Variants in PEX5 observed in about 807,000 individuals in gnomAD.
The protein encoded by PEX5 is PTS1 receptor.
In PEX5, 52 loss-of-function variants were observed where a neutral mutation model predicts 82.9. The observed-to-expected ratio is 0.63, with a 90% CI of 0.50 to 0.79. The LOEUF is 0.79. Ranked by LOEUF, PEX5 falls within the 30% of genes least tolerant of loss-of-function variation. PEX5 has a pLI of 0.00. For synonymous variants in PEX5, 300 were observed against 318.8 expected (o/e 0.94, Z 0.63); for missense variants, 719 against 815.2 (o/e 0.88, Z 1.44).
intron 5 of PEX5, among the ~76,000 whole-genome samples, chr12:7,197,336 AATTAT>A (rs1380477278): frequency 2.4e-5 from 3 of 122,564 alleles, no homozygotes; most frequent in Non-Finnish European, 5.1e-5. Flanking sequence ...ACAATGTAAT[AATTAT>A]ATATGTCATA....
In PEX5 at chr12:7,190,897, C is replaced by G; in HGVS notation, c.157C>G (p.Pro53Ala). 6.2e-7 allele frequency: 1 copy of G among 1,613,476 alleles called. No homozygotes were observed. Among genetic ancestry groups the G allele is most frequent in the Non-Finnish European group, 8.5e-7 (1 of 1,179,372 alleles). The part of the protein sequence containing the change: ...GAPASEAASK[P>A]LGVASEDELV... ...TGTCTTTCTCTCTTAGGCCTCCAAG[C>G]CTTTGGGAGTAGCTTCTGAAGATGA... Residue 53 changes from proline to alanine, a missense_variant, in exon 3 of 16, where the codon CCT becomes GCT. Pro to Ala is a conservative substitution (Grantham distance 27). Coordinates refer to ENST00000675855, the MANE Select transcript of PEX5 (RefSeq NM_001351132.2).
At chr12:7,203,615 A>C (rs915437382) in intron 10 of PEX5, 64 bp downstream of exon 10, 4 of 1,518,016 alleles carry the variant, frequency 2.6e-6, no homozygotes, top group Non-Finnish European at 3.6e-6. Context: ...TCTTTCCTTT[A>C]ATCCTGAATT....
chr12:7,213,383 T>G (rs2136289513), downstream of PEX5, among the ~76,000 whole-genome samples: 1 of 148,722 alleles, frequency 6.7e-6, no homozygotes, highest in East Asian at 1.9e-4. Context: ...AAAACAGAGA[T>G]ATAGATCAAT....
intron 5 of PEX5, among the ~76,000 whole-genome samples, chr12:7,192,614 T>C (rs1941359960): frequency 6.6e-6 from 1 of 152,108 alleles, no homozygotes; most frequent in Non-Finnish European, 1.5e-5. Context: ...GTTTAAGATA[T>C]CAAGAATAAC....
chr12:7,216,641 T>A (rs909660109), intron 17 of PEX5, among the ~76,000 whole-genome samples: 7 of 152,212 alleles, frequency 4.6e-5, no homozygotes, highest in African/African-American at 1.7e-4. Flanking sequence ...TGTAACTATA[T>A]ATTTGAATGA....
intron 9 of PEX5, 67 bp downstream of exon 9, chr12:7,202,771 G>A: frequency 9.6e-7 from 1 of 1,045,252 alleles, no homozygotes; most frequent in Non-Finnish European, 1.5e-6. Flanking sequence ...GTGGGTGTAT[G>A]AACATCAAAG....
downstream of PEX5, among the ~76,000 whole-genome samples, chr12:7,215,755 A>G (rs1048909903): frequency 3.9e-5 from 6 of 152,058 alleles, no homozygotes; most frequent in African/African-American, 1.4e-4. Flanking sequence ...GTGGAGGGGG[A>G]TGAAGGTTGA....
At position 7,190,925 on chromosome 12, in the gene PEX5, T is replaced by C. The variant is rs1360688366; in HGVS notation, c.183+2T>C. Reference sequence around the variant, plus strand: ...TTGGGAGTAGCTTCTGAAGATGAGGTAAATAGACCAGTCTCTTTTCTGTCC... The same window carrying C: ...TTGGGAGTAGCTTCTGAAGATGAGGCAAATAGACCAGTCTCTTTTCTGTCC... On this transcript the variant is annotated splice_donor_variant, in intron 3 of 15. Coordinates refer to ENST00000675855, the MANE Select transcript of PEX5 (RefSeq NM_001351132.2). LOFTEE classifies it high-confidence loss of function. 6.2e-7 allele frequency: 1 copy of C among 1,611,920 alleles called. No individual in the cohort carries two copies. Among genetic ancestry groups the C allele is most frequent in the East Asian group, 2.2e-5 (1 of 44,880 alleles).
chr12:7,196,216 T>C (rs1159448063), intron 5 of PEX5, among the ~76,000 whole-genome samples: 1 of 40,520 alleles, frequency 2.5e-5, no homozygotes, highest in African/African-American at 5.1e-5. Context: ...GTAATAATTA[T>C]ATATGTCATA....
intron 5 of PEX5, among the ~76,000 whole-genome samples, chr12:7,196,450 TTA>T (rs1308051543): frequency 1.1e-4 from 15 of 135,280 alleles, no homozygotes; most frequent in Admixed American, 3.2e-4. Flanking sequence ...AATGTAATAA[TTA>T]TGTGTCATAT....
At chr12:7,202,015 C>T in intron 7 of PEX5, 174 bp downstream of exon 7, 1 of 756,678 alleles carries the variant, frequency 1.3e-6, no homozygotes, top group Middle Eastern at 3.6e-4. Flanking sequence ...GTGTTCATTC[C>T]CTCATCTCCT....
At position 7,210,044 on chromosome 12, in the gene PEX5, G is replaced by T; in HGVS notation, c.1741G>T (p.Glu581Ter). The change falls in exon 16 of 16, where the codon GAG becomes TAG. Residue 581 changes from glutamate to a stop codon, truncating the protein, a stop_gained. Coordinates refer to ENST00000675855, the MANE Select transcript of PEX5 (RefSeq NM_001351132.2). LOFTEE classifies it high-confidence loss of function. ...CAGGGAGGCTGTGGAGCACTTTCTG[G>T]AGGCCCTGAACATGCAGAGGAAAAG... is the stretch of plus-strand genomic sequence containing the variant. ...AHREAVEHFL[E>*]ALNMQRKSRG... is the part of the protein sequence containing the mutation. 1 of 1,614,168 alleles carries T rather than the reference G, an allele frequency of 6.2e-7. No homozygotes were observed. The highest frequency in any genetic ancestry group is 8.5e-7 in the Non-Finnish European group (1 of 1,180,028).
intron 5 of PEX5, among the ~76,000 whole-genome samples, chr12:7,194,752 T>G (rs756699152): frequency 2.6e-5 from 4 of 152,202 alleles, no homozygotes; most frequent in Non-Finnish European, 5.9e-5. Context: ...TCGTGAGAGA[T>G]AAACCTGCAC....
chr12:7,205,940 C>T (rs1054246757), intron 10 of PEX5, among the ~76,000 whole-genome samples: 22 of 152,194 alleles, frequency 1.4e-4, no homozygotes, highest in Admixed American at 9.2e-4. Flanking sequence ...TAGCTATTTA[C>T]AGATAGTATC....
intron 8 of PEX5, 86 bp downstream of exon 8, chr12:7,202,437 G>A (rs1159076638): frequency 2.6e-6 from 4 of 1,533,910 alleles, no homozygotes; most frequent in Non-Finnish European, 3.6e-6. Flanking sequence ...CCCAGATGGG[G>A]AAGGATAAGA....
chr12:7,207,521 A>T, intron 10 of PEX5, 138 bp from the exon 11 acceptor site: 1 of 814,248 alleles, frequency 1.2e-6, no homozygotes. Flanking sequence ...TCTTTATAAT[A>T]TGGAGAATTT....
intron 5 of PEX5, among the ~76,000 whole-genome samples, chr12:7,198,594 C>T (rs757700729): frequency 1.3e-5 from 2 of 152,120 alleles, no homozygotes; most frequent in Non-Finnish European, 2.9e-5. Flanking sequence ...GGAGAACAGA[C>T]CAGTGCCTTG....
rs77071280 is a variant in PEX5 at position 7,203,184 on chromosome 12, C to A, written c.847-248C>A. Among the ~76,000 whole-genome samples the A allele has an allele frequency of 7.4e-4, 50 of 67,918 alleles. 9 individuals carry two copies. The highest frequency in any genetic ancestry group is 3.3e-3 in the South Asian group (5 of 1,494). The allele number at this position is 67,918 out of a possible 152,430, so 44.6% of individuals were successfully genotyped here. On this transcript the variant is annotated intron_variant, in intron 9 of 15. Transcript: ENST00000675855. ...AAACAAAAAACTAAACTAAACTATGCACTGCACTGCACTGCACTGCACTGC... is the reference window on the plus strand; with the variant it reads ...AAACAAAAAACTAAACTAAACTATGAACTGCACTGCACTGCACTGCACTGC...
chr12:7,200,697 G>A (rs1395407590), intron 6 of PEX5, among the ~76,000 whole-genome samples: 5 of 152,086 alleles, frequency 3.3e-5, no homozygotes, highest in Non-Finnish European at 7.4e-5. Flanking sequence ...AGACCAGCCC[G>A]GCCAACACAG....
Sources: allele counts gnomAD v4.1 joint callset (sites outside exome capture counted in the v4.1 genomes callset), GRCh38; gene constraint gnomAD v4.1.1; transcripts MANE v1.5; gene names NCBI Gene and HGNC (gene_info 2026-07-23, HGNC 2026-07-21).